The following DLG2 variants were observed in gnomAD, a reference collection of about 807,000 sequenced individuals.
DLG2 encodes the protein disks large homolog 2.
Under a neutral mutation model 132.5 loss-of-function variants are expected in DLG2, and 45 were observed. The observed-to-expected ratio is 0.34, with a 90% CI of 0.27 to 0.44. The LOEUF is 0.44. DLG2 is among the 20% of genes least tolerant of loss of function. The pLI is 1.00. For missense variants in DLG2, 1,045 were observed against 1,196.9 expected, an observed-to-expected ratio of 0.87 and a Z score of 1.87; for synonymous variants, 424 against 419.6, an observed-to-expected ratio of 1.01 and a Z score of -0.13.
chr11:84,464,370 G>C (rs3862778), intron 7 of DLG2, among the ~76,000 whole-genome samples: 62,821 of 150,996 alleles, frequency 0.42, 15,905 homozygotes, highest in African/African-American at 0.72. Flanking sequence ...TTCTCAGTGT[G>C]GTGGTTTGCC....
At chr11:84,060,951 C>A (rs867876142) in intron 10 of DLG2, among the ~76,000 whole-genome samples, 8 of 152,168 alleles carry the variant, frequency 5.3e-5, no homozygotes, top group Admixed American at 4.6e-4. Context: ...GCCGACCTAG[C>A]CTTCTTGGAT....
intron 19 of DLG2, among the ~76,000 whole-genome samples, chr11:83,566,159 T>C (rs2096705638): frequency 6.6e-6 from 1 of 152,208 alleles, no homozygotes; most frequent in Non-Finnish European, 1.5e-5. Context: ...CTTTTAGTCA[T>C]TGTATAAAAG....
At chr11:84,625,184 CAA>C (rs1434558293) in intron 6 of DLG2, among the ~76,000 whole-genome samples, 2 of 151,990 alleles carry the variant, frequency 1.3e-5, no homozygotes, top group African/African-American at 2.4e-5. Flanking sequence ...TTATTCAAGT[CAA>C]AAGTCCTTAA....
At chr11:84,646,953 T>A (rs1323567104) in intron 6 of DLG2, among the ~76,000 whole-genome samples, 1 of 152,174 alleles carries the variant, frequency 6.6e-6, no homozygotes, top group African/African-American at 2.4e-5. Context: ...GGGCTTAAAG[T>A]GTATGTCTTT....
intron 8 of DLG2, among the ~76,000 whole-genome samples, chr11:84,175,572 T>C (rs2095939782): frequency 6.6e-6 from 1 of 152,132 alleles, no homozygotes. Context: ...CATCTAAATA[T>C]AGGTCACCCT....
At chr11:85,377,835 A>ATGTGTGTATACATATATG (rs1186766242) in intron 3 of DLG2, among the ~76,000 whole-genome samples, 4 of 147,814 alleles carry the variant, frequency 2.7e-5, no homozygotes, top group African/African-American at 7.4e-5. Flanking sequence ...ATACATATAT[A>ATGTGTGTATACATATATG]TGTGTGTATA....
At chr11:84,633,682 C>T (rs2099635945) in intron 6 of DLG2, among the ~76,000 whole-genome samples, 1 of 151,936 alleles carries the variant, frequency 6.6e-6, no homozygotes, top group Non-Finnish European at 1.5e-5. Flanking sequence ...GATACAGAGC[C>T]TGTCACACGG....
chr11:84,529,125 T>C (rs2099329288), intron 7 of DLG2, among the ~76,000 whole-genome samples: 1 of 152,156 alleles, frequency 6.6e-6, no homozygotes, highest in Non-Finnish European at 1.5e-5. Flanking sequence ...GAAGGAGAGA[T>C]ACACAGAGTG....
intron 7 of DLG2, among the ~76,000 whole-genome samples, chr11:84,375,286 T>C (rs1037232258): frequency 6.6e-6 from 1 of 152,306 alleles, no homozygotes; most frequent in African/African-American, 2.4e-5. Flanking sequence ...ATCTAGCACA[T>C]GATACAAGAC....
At chr11:84,241,579 G>T (rs1263942096) in intron 8 of DLG2, among the ~76,000 whole-genome samples, 1 of 151,584 alleles carries the variant, frequency 6.6e-6, no homozygotes, top group Non-Finnish European at 1.5e-5. Flanking sequence ...GTGTTTAAAG[G>T]TCCCAAGTGA....
At chr11:85,159,209 G>A (rs1159215496) in intron 4 of DLG2, among the ~76,000 whole-genome samples, 1 of 152,136 alleles carries the variant, frequency 6.6e-6, no homozygotes, top group Admixed American at 6.5e-5. Flanking sequence ...AGTTAAAGTA[G>A]GGGCTTATAG....
intron 18 of DLG2, among the ~76,000 whole-genome samples, chr11:83,707,908 G>A (rs2084433698): frequency 6.6e-6 from 1 of 152,152 alleles, no homozygotes. Context: ...TGCAGCTTCT[G>A]TCATATGGGC....
At chr11:84,454,411 C>A (rs1390378341) in intron 7 of DLG2, among the ~76,000 whole-genome samples, 2 of 151,450 alleles carry the variant, frequency 1.3e-5, no homozygotes, top group Non-Finnish European at 3.0e-5. Flanking sequence ...TTAAATACTG[C>A]AACCACTTCA....
At chr11:85,323,521 T>C (rs2152828912) in intron 3 of DLG2, among the ~76,000 whole-genome samples, 1 of 152,372 alleles carries the variant, frequency 6.6e-6, no homozygotes, top group Non-Finnish European at 1.5e-5. Flanking sequence ...AAATCTTCTC[T>C]TCAAGCTATT....
At position 85,430,356 on chromosome 11, in the gene DLG2, A is replaced by G. The variant is rs192514347; in HGVS notation, c.41-144991T>C. On this transcript the variant is annotated intron_variant, in intron 3 of 27. Coordinates refer to ENST00000376104, the MANE Select transcript of DLG2 (RefSeq NM_001142699.3). ...ACCCTAAAACTTAAAGTATAATAAAAAAAAAGAAAAAGAAAGAAAAAAATT... is the reference window on the plus strand; with the variant it reads ...ACCCTAAAACTTAAAGTATAATAAAGAAAAAGAAAAAGAAAGAAAAAAATT... Among the ~76,000 whole-genome samples the G allele has an allele frequency of 1.3e-3, 202 of 151,992 alleles. 3 individuals carry two copies. In the East Asian group the frequency reaches 0.037, roughly 28 times the overall value.
In DLG2 at chr11:84,474,448, T is replaced by A. The variant is rs1449825612; in HGVS notation, c.519+60122A>T. Among the ~76,000 whole-genome samples, 3 of 152,058 alleles carry A rather than the reference T, an allele frequency of 2.0e-5. No individual in the cohort carries two copies. In the East Asian group the frequency reaches 5.8e-4, roughly 29 times the overall value. ...TTATTGTGACTCCTCTAAGGATGAT[T>A]TGTGTGTAAGGAGAATTAAGAGGCC... On this transcript the variant is annotated intron_variant, in intron 7 of 27. Coordinates refer to ENST00000376104, the MANE Select transcript of DLG2 (RefSeq NM_001142699.3).
At chr11:83,931,948 C>T (rs1321426037) in intron 14 of DLG2, among the ~76,000 whole-genome samples, 3 of 152,146 alleles carry the variant, frequency 2.0e-5, no homozygotes, top group Non-Finnish European at 4.4e-5. Flanking sequence ...GTTCATTTTA[C>T]CTTTGTTTCA....
At chr11:83,862,524 C>A (rs989942795) in intron 16 of DLG2, among the ~76,000 whole-genome samples, 1 of 151,830 alleles carries the variant, frequency 6.6e-6, no homozygotes, top group African/African-American at 2.4e-5. Flanking sequence ...TGAATAAAAT[C>A]TAGTATTTGA....
chr11:84,739,340 A>G (rs2064281875), intron 6 of DLG2, among the ~76,000 whole-genome samples: 1 of 152,152 alleles, frequency 6.6e-6, no homozygotes, highest in Admixed American at 6.5e-5. Context: ...TAACTCCCAA[A>G]TCAATTTTTT....
Sources: allele counts gnomAD v4.1 joint callset (sites outside exome capture counted in the v4.1 genomes callset), GRCh38; gene constraint gnomAD v4.1.1; transcripts MANE v1.5; gene names NCBI Gene and HGNC (gene_info 2026-07-23, HGNC 2026-07-21).